The following SETD6 variants were observed in gnomAD, a reference collection of about 807,000 sequenced individuals.
SETD6 encodes the protein N-lysine methyltransferase SETD6.
Under a neutral mutation model 52.7 loss-of-function variants are expected in SETD6, and 67 were observed. That is an observed-to-expected ratio of 1.27 (90% CI 1.04 to 1.56). SETD6 has a LOEUF of 1.56. Among genes scored for constraint, SETD6 ranks in the 40% most tolerant of loss-of-function variants. The pLI, the probability that SETD6 is intolerant of heterozygous loss-of-function variation, is 0.00. For synonymous variants in SETD6, 307 were observed against 250.2 expected, an observed-to-expected ratio of 1.23 and a Z score of -2.14; for missense variants, 712 against 607.5, an observed-to-expected ratio of 1.17 and a Z score of -1.81.
In SETD6 at chr16:58,521,439, T is replaced by C. The variant is rs1432145005; in HGVS notation, c.*2410T>C. The C allele has an allele frequency of 2.1e-6, 2 of 946,322 alleles. No individual in the cohort carries two copies. Among genetic ancestry groups the C allele is most frequent in the East Asian group, 2.5e-5 (1 of 40,284 alleles). 58.6% of individuals were successfully genotyped at this position (946,322 alleles called of 1,614,324 possible). ...AACCACATGCAAAAGTTTTCACCTT[T>C]AGTAAAGACAGGTGGATTAATATAC... On this transcript the variant is annotated 3_prime_UTR_variant, in exon 8 of 8. Coordinates refer to ENST00000219315, the MANE Select transcript of SETD6 (RefSeq NM_001160305.4).
chr16:58,522,868 C>G lies in SETD6; in HGVS notation c.*3839C>G, dbSNP rs1007155771. Reference sequence around the variant, plus strand: ...TCCCTATCTTGTGATAAATGTCCATCAGAATGAGTATTAAGAGGGCAGGAA... The same window carrying G: ...TCCCTATCTTGTGATAAATGTCCATGAGAATGAGTATTAAGAGGGCAGGAA... On this transcript the variant is annotated 3_prime_UTR_variant, in exon 8 of 8. Coordinates refer to ENST00000219315, the MANE Select transcript of SETD6 (RefSeq NM_001160305.4). 1 of 152,240 alleles carries G rather than the reference C, an allele frequency of 6.6e-6. No individual in the cohort carries two copies. Among genetic ancestry groups the G allele is most frequent in the African/African-American group, 2.4e-5 (1 of 41,448 alleles). The allele number at this position is 152,240 out of a possible 1,614,324, so 9.4% of individuals were successfully genotyped here.
rs2039257995 is a variant in SETD6, at chr16:58,518,651, G to A, written c.1117-73G>A. 8.2e-6 allele frequency: 13 copies of A among 1,587,628 alleles called. No individual in the cohort carries two copies. The South Asian group carries it at 1.4e-4, about 17-fold the overall frequency. ...GGATTTTTAATAAATGCTAAGATGA[G>A]TTTAGTCTCCTGAGTCATTTCAGAA... On this transcript the variant is annotated intron_variant, in intron 7 of 7. Coordinates refer to ENST00000219315, the MANE Select transcript of SETD6 (RefSeq NM_001160305.4).
In SETD6 at chr16:58,516,360, G is replaced by A. The variant is rs1419057926; in HGVS notation, c.476+17G>A. The A allele has an allele frequency of 2.5e-6, 4 of 1,609,824 alleles. No homozygotes were observed. Among genetic ancestry groups the A allele is most frequent in the East Asian group, 4.5e-5 (2 of 44,698 alleles). ...GATGTTCTGGTGAGAGCCTTGGGAG[G>A]GGTTGGGGAGCGCCTGCACCGTAGC... On this transcript the variant is annotated intron_variant, in intron 3 of 7. Coordinates refer to ENST00000219315, the MANE Select transcript of SETD6 (RefSeq NM_001160305.4).
chr16:58,520,765 C>A lies in SETD6; in HGVS notation c.*1736C>A. On this transcript the variant is annotated 3_prime_UTR_variant, in exon 8 of 8. Transcript: ENST00000219315. ...CATCTTCTAAATTTTGGCCAAGAGT[C>A]AAAAAAATGCATTTAAACTTTGGAA... 1 of 596,022 alleles carries A rather than the reference C, an allele frequency of 1.7e-6. No individual in the cohort carries two copies. The highest frequency in any genetic ancestry group is 2.9e-6 in the Non-Finnish European group (1 of 340,824). 36.9% of individuals were successfully genotyped at this position (596,022 alleles called of 1,614,324 possible). A position where few individuals can be genotyped will look rare whatever the true frequency, so the allele number is the denominator to read the frequency against.
chr16:58,522,721 T>C lies in SETD6; in HGVS notation c.*3692T>C, dbSNP rs1425770143. ...AAGTCCAAGTTCCTTAACATAGACTTCATAGGCCTGCATGATTTAGGACTG... is the reference window on the plus strand; with the variant it reads ...AAGTCCAAGTTCCTTAACATAGACTCCATAGGCCTGCATGATTTAGGACTG... On this transcript the variant is annotated 3_prime_UTR_variant, in exon 8 of 8. Transcript: ENST00000219315. Among the ~76,000 whole-genome samples the C allele has an allele frequency of 6.6e-6, 1 of 152,196 alleles. No homozygotes were observed. The highest frequency in any genetic ancestry group is 1.5e-5 in the Non-Finnish European group (1 of 68,044).
At position 58,518,858 on chromosome 16, in the gene SETD6, A is replaced by G. The variant is rs1567377891; in HGVS notation, c.1251A>G (p.Gln417=). The change falls in exon 8 of 8, where the codon CAA becomes CAG. Residue 417 remains glutamine, a synonymous_variant. Transcript: ENST00000219315. ...AAGCATCGTGGAGACAGCTGCTTCAAAACAGTGTTCTACTGACTTTGCAGA... is the reference window on the plus strand; with the variant it reads ...AAGCATCGTGGAGACAGCTGCTTCAGAACAGTGTTCTACTGACTTTGCAGA... ...KLKASWRQLL[Q]NSVLLTLQTY... The G allele has an allele frequency of 6.2e-7, 1 of 1,614,098 alleles. No individual in the cohort carries two copies. Among genetic ancestry groups the G allele is most frequent in the Non-Finnish European group, 8.5e-7 (1 of 1,180,050 alleles).
At position 58,516,948 on chromosome 16, in the gene SETD6, G is replaced by A. The variant is rs747830878; in HGVS notation, c.792+20G>A. 2 of 1,614,052 alleles carry A rather than the reference G, an allele frequency of 1.2e-6. No individual in the cohort carries two copies. The highest frequency in any genetic ancestry group is 1.7e-5 in the Admixed American group (1 of 60,022). On this transcript the variant is annotated intron_variant, in intron 5 of 7. Transcript: ENST00000219315. ...TCTGCGGTGAGTGGAGTTTCTCTTG[G>A]TGCACTGATTGAGCATGATTCAAGC...
rs146839754 is a variant in SETD6 at position 58,517,513 on chromosome 16, G to A, written c.793-538G>A. 26 of 172,340 alleles carry A rather than the reference G, an allele frequency of 1.5e-4. No homozygotes were observed. The East Asian group carries it at 2.3e-3, about 15-fold the overall frequency. The allele number at this position is 172,340 out of a possible 1,614,324, so 10.7% of individuals were successfully genotyped here. The stretch of plus-strand genomic sequence containing the variant: ...CCCCGAGGCGGAGTCTCACTGTGTC[G>A]CCCAGGCTGGAGTGCAGTGGCGTGA... On this transcript the variant is annotated intron_variant, in intron 5 of 7. Transcript: ENST00000219315.
Position 58,516,526 on chromosome 16 carries a change from G to C in SETD6, c.525G>C (p.Glu175Asp). 1 of 1,614,184 alleles carries C rather than the reference G, an allele frequency of 6.2e-7. No individual in the cohort carries two copies. The highest frequency in any genetic ancestry group is 8.5e-7 in the Non-Finnish European group (1 of 1,180,030). ...RCLLQGTGVP[E>D]AVEKDLANIR... ...TGCTCCAGGGCACAGGCGTACCTGA[G>C]GCCGTGGAGAAGGATTTGGCCAACA... The change falls in exon 4 of 8, where the codon GAG becomes GAC. Residue 175 changes from glutamate to aspartate, a missense_variant. By Grantham distance (45) the Glu-to-Asp change is conservative. Transcript: ENST00000219315.
Position 58,520,865 on chromosome 16 carries a change from G to A in SETD6, c.*1836G>A. Reference sequence around the variant, plus strand: ...ACCCACAAACCAAAGGGCTGGGAAAGTCAGGAAGAGCTGAAAGGATTCTTC... The same window carrying A: ...ACCCACAAACCAAAGGGCTGGGAAAATCAGGAAGAGCTGAAAGGATTCTTC... On this transcript the variant is annotated 3_prime_UTR_variant, in exon 8 of 8. Transcript: ENST00000219315. 1 of 1,330,192 alleles carries A rather than the reference G, an allele frequency of 7.5e-7. No homozygotes were observed. Among genetic ancestry groups the A allele is most frequent in the Non-Finnish European group, 1.1e-6 (1 of 937,924 alleles). The allele number at this position is 1,330,192 out of a possible 1,614,324, so 82.4% of individuals were successfully genotyped here. A position where few individuals can be genotyped will look rare whatever the true frequency, so the allele number is the denominator to read the frequency against.
At position 58,522,068 on chromosome 16, in the gene SETD6, C is replaced by T. The variant is rs2039401627; in HGVS notation, c.*3039C>T. 6.6e-6 allele frequency among the ~76,000 whole-genome samples: 1 copy of T among 151,496 alleles called. No individual in the cohort carries two copies. The highest frequency in any genetic ancestry group is 2.4e-5 in the African/African-American group (1 of 41,220). On this transcript the variant is annotated 3_prime_UTR_variant, in exon 8 of 8. Transcript: ENST00000219315. ...GGCACAGTGACTCACGCCTGTAATC[C>T]CAGCACTCTGGGAGGCCAAGACGGG...
At position 58,516,821 on chromosome 16, in the gene SETD6, C is replaced by A; in HGVS notation, c.685C>A (p.Leu229Met). ...LVMAYSFQEP[L>M]EEEEDEKEPN... Reference sequence around the variant, plus strand: ...TGTCAATGGCAGCTTTCAGGAACCACTGGAGGAAGAAGAGGATGAAAAGGA... The same window carrying A: ...TGTCAATGGCAGCTTTCAGGAACCAATGGAGGAAGAAGAGGATGAAAAGGA... Residue 229 changes from leucine (L) to methionine (M), a missense_variant, in exon 5 of 8, where the codon CTG becomes ATG. Transcript: ENST00000219315. 6.2e-7 allele frequency: 1 copy of A among 1,614,196 alleles called. No homozygotes were observed. The highest frequency in any genetic ancestry group is 8.5e-7 in the Non-Finnish European group (1 of 1,180,042).
Position 58,520,907 on chromosome 16 carries a change from C to T in SETD6, c.*1878C>T, listed in dbSNP as rs764751934. On this transcript the variant is annotated 3_prime_UTR_variant, in exon 8 of 8. Transcript: ENST00000219315. Reference sequence around the variant, plus strand: ...GGATTCTTCAGTCAGTTTATGAACTCGGTGCAGTGAGACCTCTAGACTGAC... The same window carrying T: ...GGATTCTTCAGTCAGTTTATGAACTTGGTGCAGTGAGACCTCTAGACTGAC... 9.6e-6 allele frequency: 15 copies of T among 1,559,204 alleles called. No individual in the cohort carries two copies. Among genetic ancestry groups the T allele is most frequent in the South Asian group, 3.3e-5 (3 of 90,076 alleles).
chr16:58,515,605 T>G (rs1437239622), intron 1 of SETD6, 41 bp downstream of exon 1: 1 of 1,487,134 alleles, frequency 6.7e-7, no homozygotes, highest in African/African-American at 1.5e-5. Context: ...CCTCCGCGCC[T>G]CACCCCTTCT....
In SETD6 at chr16:58,515,579, C is replaced by T; in HGVS notation, c.27+15C>T. 1 of 1,559,462 alleles carries T rather than the reference C, an allele frequency of 6.4e-7. No individual in the cohort carries two copies. On this transcript the variant is annotated intron_variant, in intron 1 of 7. Coordinates refer to ENST00000219315, the MANE Select transcript of SETD6 (RefSeq NM_001160305.4). ...AGCGTCCACGGGTGAGTGGCGGGCG[C>T]GGGGTCCAGCCTTTTCCTCCGCGCC...
rs896282581 is a variant in SETD6 at position 58,519,704 on chromosome 16, C to T, written c.*675C>T. 6.6e-6 allele frequency: 1 copy of T among 151,282 alleles called. No homozygotes were observed. Among genetic ancestry groups the T allele is most frequent in the Admixed American group, 6.6e-5 (1 of 15,208 alleles). 9.4% of individuals were successfully genotyped at this position (151,282 alleles called of 1,614,324 possible). A position where few individuals can be genotyped will look rare whatever the true frequency, so the allele number is the denominator to read the frequency against. ...ATATTAAAACTGGGTATTTTAAACT[C>T]AGCTTAACCAGATAAACCTGCTCCA... On this transcript the variant is annotated 3_prime_UTR_variant, in exon 8 of 8. Coordinates refer to ENST00000219315, the MANE Select transcript of SETD6 (RefSeq NM_001160305.4).
At chr16:58,518,682 A>G (rs752524641) in intron 7 of SETD6, 42 bp from the exon 8 acceptor site, 9 of 1,600,724 alleles carry the variant, frequency 5.6e-6, no homozygotes, top group Non-Finnish European at 7.7e-6. Context: ...CAGAAGTACA[A>G]AAGCAGTACA....
Position 58,520,881 on chromosome 16 carries a change from A to C in SETD6, c.*1852A>C. On this transcript the variant is annotated 3_prime_UTR_variant, in exon 8 of 8. Transcript: ENST00000219315. ...GCTGGGAAAGTCAGGAAGAGCTGAA[A>C]GGATTCTTCAGTCAGTTTATGAACT... is the stretch of plus-strand genomic sequence containing the variant. 6.9e-7 allele frequency: 1 copy of C among 1,445,432 alleles called. No individual in the cohort carries two copies. Among genetic ancestry groups the C allele is most frequent in the East Asian group, 2.3e-5 (1 of 44,114 alleles). The allele number at this position is 1,445,432 out of a possible 1,614,324, so 89.5% of individuals were successfully genotyped here.
intron 3 of SETD6, 37 bp downstream of exon 3, chr16:58,516,380 C>G (rs201111578): frequency 2.5e-6 from 4 of 1,583,568 alleles, no homozygotes; most frequent in South Asian, 1.1e-5. Flanking sequence ...GCGCCTGCAC[C>G]GTAGCCTGCT....
Sources: gnomAD v4.1 joint callset for allele counts (sites outside exome capture counted in the v4.1 genomes callset) on GRCh38, gnomAD v4.1.1 for gene constraint, MANE v1.5 for transcripts, NCBI Gene and HGNC (gene_info 2026-07-23, HGNC 2026-07-21) for gene names.